The following KCTD9 variants were observed in gnomAD, a reference collection of about 807,000 sequenced individuals.
KCTD9 encodes potassium channel tetramerization domain containing 9, also known as BTB/POZ domain-containing protein KCTD9.
KCTD9 carries 17 observed loss-of-function variants against 53.3 expected under a neutral mutation model. That is an observed-to-expected ratio of 0.32 (90% CI 0.22 to 0.48). The LOEUF (loss-of-function observed/expected upper bound fraction) is 0.48. Ranked by LOEUF, KCTD9 falls within the 20% of genes least tolerant of loss-of-function variation. The probability of loss-of-function intolerance (pLI) is 0.99; values close to 1 mark genes in which losing one functional copy is unlikely to be tolerated. For missense variants in KCTD9, 179 were observed against 465.5 expected, an observed-to-expected ratio of 0.38 and a Z score of 5.66; for synonymous variants, 128 against 162.7, an observed-to-expected ratio of 0.79 and a Z score of 1.62.
chr8:25,457,256 C>T, intron 1 of KCTD9: 1 of 475,892 alleles, frequency 2.1e-6, no homozygotes, highest in Non-Finnish European at 2.7e-6. Context: ...GTGCAGGCAG[C>T]AGAGTATTTT....
At position 25,458,353 on chromosome 8, in the gene KCTD9, C is replaced by G; in HGVS notation, c.-107G>C. On this transcript the variant is annotated 5_prime_UTR_variant, in exon 1 of 12. Coordinates refer to ENST00000221200, the MANE Select transcript of KCTD9 (RefSeq NM_017634.4). ...CCCTCCCTCCACCCACTCGGATTCGCCTCCCTTCGCCACCTTCCTGCCCTT... is the reference window on the plus strand; with the variant it reads ...CCCTCCCTCCACCCACTCGGATTCGGCTCCCTTCGCCACCTTCCTGCCCTT... 7.9e-7 allele frequency: 1 copy of G among 1,268,524 alleles called. No homozygotes were observed. The highest frequency in any genetic ancestry group is 1.5e-5 in the African/African-American group (1 of 68,928). The allele number at this position is 1,268,524 out of a possible 1,614,324, so 78.6% of individuals were successfully genotyped here. A position where few individuals can be genotyped will look rare whatever the true frequency, so the allele number is the denominator to read the frequency against.
At chr8:25,445,746 T>C (rs1026290933) in intron 2 of KCTD9, among the ~76,000 whole-genome samples, 2 of 152,052 alleles carry the variant, frequency 1.3e-5, no homozygotes, top group East Asian at 1.9e-4. Flanking sequence ...ATCTGGCCTT[T>C]GTAATGATTA....
chr8:25,455,685 T>C (rs960277328), intron 1 of KCTD9, among the ~76,000 whole-genome samples: 4 of 152,188 alleles, frequency 2.6e-5, no homozygotes, highest in Non-Finnish European at 2.9e-5. Context: ...TAAAACTAGA[T>C]ATAAATCTTA....
intron 9 of KCTD9, 49 bp downstream of exon 9, chr8:25,435,314 C>G: frequency 7.2e-7 from 1 of 1,394,200 alleles, no homozygotes; most frequent in Non-Finnish European, 9.6e-7. Context: ...TGAGACTGTT[C>G]AATAGACTAA....
At chr8:25,453,294 T>G (rs1266426259) in intron 1 of KCTD9, among the ~76,000 whole-genome samples, 4 of 150,578 alleles carry the variant, frequency 2.7e-5, no homozygotes, top group African/African-American at 9.8e-5. Context: ...GAGGCAGAGG[T>G]TGCAGTGAGC....
intron 6 of KCTD9, among the ~76,000 whole-genome samples, chr8:25,437,721 GC>G (rs1191520974): frequency 6.6e-6 from 1 of 150,808 alleles, no homozygotes; most frequent in Non-Finnish European, 1.5e-5. Context: ...CATGGTGTGT[GC>G]CTGTAATCCC....
At chr8:25,444,381 C>G (rs373979222) in intron 2 of KCTD9, 46 bp from the exon 3 acceptor site, 1 of 1,542,372 alleles carries the variant, frequency 6.5e-7, no homozygotes, top group Non-Finnish European at 8.9e-7. Context: ...ATCTAAAAAT[C>G]ACATTAATTA....
At chr8:25,450,316 A>G (rs1019405591) in intron 1 of KCTD9, 1 of 985,174 alleles carries the variant, frequency 1.0e-6, no homozygotes, top group Non-Finnish European at 1.2e-6. Context: ...GATAAGCAGC[A>G]CTAAAGAAGT....
intron 1 of KCTD9, among the ~76,000 whole-genome samples, chr8:25,454,557 A>G (rs1041896619): frequency 1.6e-4 from 24 of 152,348 alleles, no homozygotes; most frequent in African/African-American, 5.8e-4. Context: ...AGGGAATATT[A>G]AAAAGAATAA....
chr8:25,440,405 G>A (rs1198134079), intron 4 of KCTD9, 172 bp downstream of exon 4: 1 of 571,390 alleles, frequency 1.8e-6, no homozygotes, highest in Non-Finnish European at 3.1e-6. Flanking sequence ...TGCTTTCTCT[G>A]GAGTGAACCA....
chr8:25,430,058 A>C, intron 11 of KCTD9, 85 bp from the exon 12 acceptor site: 1 of 795,720 alleles, frequency 1.3e-6, no homozygotes, highest in Non-Finnish European at 2.2e-6. Context: ...TCTGGGGCAG[A>C]TTAGGAAAAT....
chr8:25,452,601 C>T (rs982221843), intron 1 of KCTD9, among the ~76,000 whole-genome samples: 2 of 152,170 alleles, frequency 1.3e-5, no homozygotes, highest in African/African-American at 4.8e-5. Context: ...AGTCCTCCTC[C>T]TCCTCCAAGT....
In KCTD9 at chr8:25,439,324, A is replaced by G; in HGVS notation, c.454T>C (p.Leu152=). 6.2e-7 allele frequency: 1 copy of G among 1,613,054 alleles called. No individual in the cohort carries two copies. Among genetic ancestry groups the G allele is most frequent in the South Asian group, 1.1e-5 (1 of 90,844 alleles). The change falls in exon 6 of 12, where the codon TTG becomes CTG. Residue 152 remains leucine (L), a synonymous_variant. Transcript: ENST00000221200. ...TTTACAATGAGCTGTCCATGACGCAAGTAGTTCAAAATGGGTTCGAAGTAC... is the reference window on the plus strand; with the variant it reads ...TTTACAATGAGCTGTCCATGACGCAGGTAGTTCAAAATGGGTTCGAAGTAC... ...PEYFEPILNY[L]RHGQLIVNDG... is the part of the protein sequence containing the mutation.
chr8:25,436,341 A>G lies in KCTD9; in HGVS notation c.568-11T>C, dbSNP rs1294299163. 1.9e-6 allele frequency: 3 copies of G among 1,603,232 alleles called. No individual in the cohort carries two copies. Among genetic ancestry groups the G allele is most frequent in the South Asian group, 2.2e-5 (2 of 90,792 alleles). Reference sequence around the variant, plus strand: ...CGGTGGTTGAGAATTCTTAAAAAAGACATTAAGAAATTAGTGGAGTCTTTT... The same window carrying G: ...CGGTGGTTGAGAATTCTTAAAAAAGGCATTAAGAAATTAGTGGAGTCTTTT... On this transcript the variant is annotated splice_polypyrimidine_tract_variant and intron_variant, in intron 7 of 11. Coordinates refer to ENST00000221200, the MANE Select transcript of KCTD9 (RefSeq NM_017634.4).
chr8:25,439,661 GCTC>G lies in KCTD9; in HGVS notation c.312_314del (p.Ser105del). 1 of 1,613,888 alleles carries G rather than the reference GCTC, an allele frequency of 6.2e-7. No homozygotes were observed. The highest frequency in any genetic ancestry group is 8.5e-7 in the Non-Finnish European group (1 of 1,179,972). ...TGTCAGGTTCTTTATTCACTAAAGT[GCTC>G]CTAAGAATTCAGGGAAAAAAATTGA... is the stretch of plus-strand genomic sequence containing the variant. On this transcript the variant is annotated inframe_deletion and splice_region_variant, in exon 5 of 12. Coordinates refer to ENST00000221200, the MANE Select transcript of KCTD9 (RefSeq NM_017634.4).
At chr8:25,453,084 T>C (rs983643501) in intron 1 of KCTD9, among the ~76,000 whole-genome samples, 12 of 152,184 alleles carry the variant, frequency 7.9e-5, no homozygotes, top group African/African-American at 2.9e-4. Context: ...ACTTAGTGGC[T>C]AGGCAGAGTG....
intron 3 of KCTD9, among the ~76,000 whole-genome samples, chr8:25,443,409 C>A (rs1352489270): frequency 6.6e-6 from 1 of 152,098 alleles, no homozygotes; most frequent in East Asian, 1.9e-4. Context: ...ACCATCTGAA[C>A]ATCAATAAAT....
At chr8:25,438,696 GT>G (rs1369260091) in intron 6 of KCTD9, among the ~76,000 whole-genome samples, 3 of 152,244 alleles carry the variant, frequency 2.0e-5, no homozygotes, top group Non-Finnish European at 4.4e-5. Context: ...TAAGGGCTTT[GT>G]CTACATCACC....
Position 25,440,735 on chromosome 8 carries a change from AT to A in KCTD9, c.215-63del, listed in dbSNP as rs1345759186. ...GATTGGGGATTCTGGGAAGATGGTA[AT>A]GGCATAATTTTTTAAACTGAATACA... On this transcript the variant is annotated intron_variant, in intron 3 of 11. Coordinates refer to ENST00000221200, the MANE Select transcript of KCTD9 (RefSeq NM_017634.4). 12 of 1,183,986 alleles carry A rather than the reference AT, an allele frequency of 1.0e-5. No homozygotes were observed. The East Asian group carries it at 2.3e-4, about 23-fold the overall frequency. The allele number at this position is 1,183,986 out of a possible 1,614,324, so 73.3% of individuals were successfully genotyped here. A position where few individuals can be genotyped will look rare whatever the true frequency, so the allele number is the denominator to read the frequency against.
Sources: allele counts gnomAD v4.1 joint callset (sites outside exome capture counted in the v4.1 genomes callset), GRCh38; gene constraint gnomAD v4.1.1; transcripts MANE v1.5; gene names NCBI Gene and HGNC (gene_info 2026-07-23, HGNC 2026-07-21).